TNFRSF8: variants seen among roughly 807,000 people sequenced by gnomAD.
TNFRSF8 encodes tumor necrosis factor receptor superfamily member 8.
A neutral mutation model predicts 70.8 loss-of-function variants in TNFRSF8; 26 were observed. The observed-to-expected ratio is 0.37, with a 90% CI of 0.27 to 0.51. TNFRSF8 has a LOEUF of 0.51. TNFRSF8 is among the 20% of genes least tolerant of loss of function. The pLI is 0.94. For missense variants in TNFRSF8, 720 were observed against 807.9 expected (o/e 0.89, Z 1.32); for synonymous variants, 356 against 339.2 (o/e 1.05, Z -0.54).
chr1:12,071,313 C>A (rs1214661072), intron 1 of TNFRSF8, among the ~76,000 whole-genome samples: 1 of 152,088 alleles, frequency 6.6e-6, no homozygotes, highest in African/African-American at 2.4e-5. Flanking sequence ...GCGGTGTGTG[C>A]CTGTAGTCCC....
In TNFRSF8 at chr1:12,063,950, T is replaced by C. The variant is rs1490233759; in HGVS notation, c.63+289T>C. 1.3e-5 allele frequency among the ~76,000 whole-genome samples: 2 copies of C among 152,216 alleles called. No homozygotes were observed. Among genetic ancestry groups the C allele is most frequent in the African/African-American group, 4.8e-5 (2 of 41,468 alleles). ...GCACTGCCATACGCGGGAGGCGCTC[T>C]TTAGCCCGCCTACCTGCGGGCCCGT... On this transcript the variant is annotated intron_variant, in intron 1 of 14. Transcript: ENST00000263932. The surrounding 1 kb of genome is among the most constrained non-coding windows in gnomAD (Gnocchi z 7.2).
At position 12,104,491 on chromosome 1, in the gene TNFRSF8, C is replaced by G; in HGVS notation, c.381C>G (p.Phe127Leu). ...SAVNSCARCF[F>L]HSVCPAGMIV... ...TCAACTCCTGTGCCCGCTGCTTCTT[C>G]CATTCTGTCTGTCCGGCAGGGATGA... Residue 127 changes from phenylalanine to leucine, a missense_variant, in exon 4 of 15, where the codon TTC becomes TTG. Physicochemically the swap from Phe to Leu is conservative, Grantham distance 22. Coordinates refer to ENST00000263932, the MANE Select transcript of TNFRSF8 (RefSeq NM_001243.5). 6.2e-7 allele frequency: 1 copy of G among 1,614,232 alleles called. No homozygotes were observed. The highest frequency in any genetic ancestry group is 8.5e-7 in the Non-Finnish European group (1 of 1,180,046).
intron 4 of TNFRSF8, among the ~76,000 whole-genome samples, chr1:12,106,843 G>T (rs1641533722): frequency 6.6e-6 from 1 of 152,216 alleles, no homozygotes; most frequent in Non-Finnish European, 1.5e-5. Context: ...TCTCAAATGA[G>T]GAGGTATAAC....
chr1:12,104,311 T>A, intron 3 of TNFRSF8, 68 bp from the exon 4 acceptor site: 1 of 1,584,324 alleles, frequency 6.3e-7, no homozygotes, highest in Non-Finnish European at 8.7e-7. Context: ...CTCCCCCTCA[T>A]CTCAAGAGCT....
rs746372793 is a variant in TNFRSF8, at chr1:12,142,282, T to G, written c.1544-5T>G. ...CCCTCGCTCACCCATCCTTTTGCCT[T>G]GCAGAGAAAATCTACATCATGAAGG... On this transcript the variant is annotated splice_polypyrimidine_tract_variant and splice_region_variant and intron_variant, in intron 14 of 14. Coordinates refer to ENST00000263932, the MANE Select transcript of TNFRSF8 (RefSeq NM_001243.5). This position sits in a 1 kb window ranked among gnomAD's most constrained non-coding sequence, Gnocchi z 5.0. 1 of 1,584,876 alleles carries G rather than the reference T, an allele frequency of 6.3e-7. No homozygotes were observed. Among genetic ancestry groups the G allele is most frequent in the Non-Finnish European group, 8.6e-7 (1 of 1,163,466 alleles).
intron 7 of TNFRSF8, 88 bp from the exon 8 acceptor site, chr1:12,115,489 A>G: frequency 6.9e-7 from 1 of 1,442,746 alleles, no homozygotes; most frequent in Non-Finnish European, 9.8e-7. Context: ...CCCTTGGACA[A>G]CTGCTTCTCT....
At position 12,063,945 on chromosome 1, in the gene TNFRSF8, C is replaced by T. The variant is rs997343727; in HGVS notation, c.63+284C>T. On this transcript the variant is annotated intron_variant, in intron 1 of 14. Coordinates refer to ENST00000263932, the MANE Select transcript of TNFRSF8 (RefSeq NM_001243.5). This position sits in a 1 kb window ranked among gnomAD's most constrained non-coding sequence, Gnocchi z 7.2. ...TGAGAGCACTGCCATACGCGGGAGG[C>T]GCTCTTTAGCCCGCCTACCTGCGGG... 6.6e-6 allele frequency among the ~76,000 whole-genome samples: 1 copy of T among 152,186 alleles called. No individual in the cohort carries two copies. Among genetic ancestry groups the T allele is most frequent in the Admixed American group, 6.5e-5 (1 of 15,278 alleles).
chr1:12,086,538 A>G (rs998769640), intron 2 of TNFRSF8, among the ~76,000 whole-genome samples: 1 of 61,212 alleles, frequency 1.6e-5, no homozygotes, highest in African/African-American at 6.5e-5. Context: ...TCACCAACCC[A>G]CCCCTCCCAT....
At position 12,097,085 on chromosome 1, in the gene TNFRSF8, C is replaced by CT. The variant is rs747154512; in HGVS notation, c.152-15dup. 1 of 1,609,014 alleles carries CT rather than the reference C, an allele frequency of 6.2e-7. No homozygotes were observed. ...TAAGTCAGCCTGGCTTGGAGCTTCT[C>CT]TGTTTCTTTTCCCAGGGCTGTTCCC... On this transcript the variant is annotated splice_polypyrimidine_tract_variant and intron_variant, in intron 2 of 14. Transcript: ENST00000263932.
rs758806536 is a variant in TNFRSF8, at chr1:12,125,929, GT to G, written c.1154-21del. The G allele has an allele frequency of 5.0e-6, 8 of 1,603,758 alleles. No individual in the cohort carries two copies. In the East Asian group the frequency reaches 1.8e-4, roughly 36 times the overall value. ...GTGTGGTTGCAGCAAGGCAAAGAGT[GT>G]GGGGCGTCTCTGTGTTCCAGGGCCA... On this transcript the variant is annotated intron_variant, in intron 10 of 14. Coordinates refer to ENST00000263932, the MANE Select transcript of TNFRSF8 (RefSeq NM_001243.5).
intron 4 of TNFRSF8, among the ~76,000 whole-genome samples, chr1:12,105,440 C>T (rs1641502954): frequency 6.6e-6 from 1 of 152,080 alleles, no homozygotes; most frequent in Admixed American, 6.6e-5. Flanking sequence ...TTATCTTCCC[C>T]ACCTTCTCAC....
chr1:12,072,377 G>A (rs1043663231), intron 1 of TNFRSF8, among the ~76,000 whole-genome samples: 6 of 152,170 alleles, frequency 3.9e-5, no homozygotes, highest in Admixed American at 2.0e-4. Context: ...CCAGTACTGC[G>A]TAGGGGACTG....
In TNFRSF8 at chr1:12,141,182, G is replaced by T. The variant is rs768403591; in HGVS notation, c.1544-1105G>T. ...TTTTTGGGGTTCCTGAATCCGAGGG[G>T]TATAACTGCATTACCCAGAAAGGCA... On this transcript the variant is annotated intron_variant, in intron 14 of 14. Coordinates refer to ENST00000263932, the MANE Select transcript of TNFRSF8 (RefSeq NM_001243.5). The surrounding 1 kb of genome is among the most constrained non-coding windows in gnomAD (Gnocchi z 5.4). 6.6e-6 allele frequency among the ~76,000 whole-genome samples: 1 copy of T among 151,940 alleles called. No homozygotes were observed. The highest frequency in any genetic ancestry group is 2.1e-4 in the South Asian group (1 of 4,800).
rs191640872 is a variant in TNFRSF8 at position 12,133,043 on chromosome 1, G to A, written c.1310-2545G>A. 1.8e-3 allele frequency among the ~76,000 whole-genome samples: 275 copies of A among 152,174 alleles called. 2 individuals carry two copies. Among genetic ancestry groups the A allele is most frequent in the African/African-American group, 6.3e-3 (263 of 41,514 alleles). ...GGCCCCTGCTCCAGGGTGGCTAAGC[G>A]GCCTCATTGTTTTTGACATTTGGCT... On this transcript the variant is annotated intron_variant, in intron 12 of 14. Transcript: ENST00000263932.
chr1:12,066,505 C>A lies in TNFRSF8; in HGVS notation c.63+2844C>A, dbSNP rs187510659. ...AGTAGCTTGGATTACAGGCACTTGC[C>A]ATCATGCCTGGCTAATTTTTGTATT... On this transcript the variant is annotated intron_variant, in intron 1 of 14. Coordinates refer to ENST00000263932, the MANE Select transcript of TNFRSF8 (RefSeq NM_001243.5). 6.9e-3 allele frequency among the ~76,000 whole-genome samples: 1,045 copies of A among 152,122 alleles called. 14 individuals carry two copies. The highest frequency in any genetic ancestry group is 0.024 in the African/African-American group (999 of 41,452).
intron 1 of TNFRSF8, among the ~76,000 whole-genome samples, chr1:12,066,221 A>G (rs959782669): frequency 6.6e-6 from 1 of 151,938 alleles, no homozygotes; most frequent in African/African-American, 2.4e-5. Flanking sequence ...GGAAGGGACT[A>G]CCTGCCCAAC....
chr1:12,081,093 C>T (rs1451812094), intron 1 of TNFRSF8, among the ~76,000 whole-genome samples: 1 of 152,212 alleles, frequency 6.6e-6, no homozygotes, highest in Non-Finnish European at 1.5e-5. Flanking sequence ...CAAGGCCAGA[C>T]TCGGGGGAGT....
At position 12,138,581 on chromosome 1, in the gene TNFRSF8, A is replaced by C. The variant is rs1642196673; in HGVS notation, c.1543+145A>C. The C allele has an allele frequency of 1.3e-6, 1 of 798,984 alleles. No homozygotes were observed. The highest frequency in any genetic ancestry group is 1.8e-5 in the African/African-American group (1 of 57,116). 49.5% of individuals were successfully genotyped at this position (798,984 alleles called of 1,614,324 possible). On this transcript the variant is annotated intron_variant, in intron 14 of 14. Transcript: ENST00000263932. This position sits in a 1 kb window ranked among gnomAD's most constrained non-coding sequence, Gnocchi z 5.7. ...AGGCATAGATTCTTCACCCCAATTG[A>C]AGTTTCTGTAAGTAGGGACAGCGAG...
chr1:12,074,363 T>G (rs972655711), intron 1 of TNFRSF8, among the ~76,000 whole-genome samples: 3 of 151,526 alleles, frequency 2.0e-5, no homozygotes, highest in African/African-American at 7.3e-5. Context: ...CACTGCAACC[T>G]CCGCCTCCCG....
Sources: gnomAD v4.1 joint callset for allele counts (sites outside exome capture counted in the v4.1 genomes callset) on GRCh38, gnomAD v4.1.1 for gene constraint, Gnocchi (gnomAD v3.1) non-coding constraint, MANE v1.5 for transcripts, NCBI Gene and HGNC (gene_info 2026-07-23, HGNC 2026-07-21) for gene names.